Variants in RNF183 observed in about 807,000 individuals in gnomAD.
The protein encoded by RNF183 is E3 ubiquitin-protein ligase RNF183.
Under a neutral mutation model 9.0 loss-of-function variants are expected in RNF183, and 4 were observed. The observed-to-expected ratio is 0.44, with a 90% CI of 0.22 to 1.01. The LOEUF (loss-of-function observed/expected upper bound fraction) is 1.01. Ranked by LOEUF, RNF183 falls within the 50% of genes least tolerant of loss-of-function variation. RNF183 has a pLI of 0.25. For synonymous variants in RNF183, 102 were observed against 107.5 expected (o/e 0.95, Z 0.32); for missense variants, 227 against 253.6 (o/e 0.89, Z 0.71).
Position 113,298,209 on chromosome 9 carries a change from C to T in RNF183, c.-25G>A, listed in dbSNP as rs900114796. On this transcript the variant is annotated 5_prime_UTR_variant, in exon 5 of 5. Transcript: ENST00000489339. This position sits in a 1 kb window ranked among gnomAD's most constrained non-coding sequence, Gnocchi z 4.9. The stretch of plus-strand genomic sequence containing the variant: ...TCCTCAGCCACACACGGGGAGGCTT[C>T]GCGGGAGACGTCCTGGCAGAAGGGG... 18 of 1,570,332 alleles carry T rather than the reference C, an allele frequency of 1.1e-5. No individual in the cohort carries two copies. The South Asian group carries it at 1.4e-4, about 12-fold the overall frequency.
chr9:113,302,131 T>C (rs780908937), intron 2 of RNF183, 64 bp downstream of exon 2: 3 of 61,556 alleles, frequency 4.9e-5, no homozygotes, highest in Non-Finnish European at 1.0e-4. Flanking sequence ...CTAACTTTAC[T>C]CCATCCAGTA....
rs1832751177 is a variant in RNF183, at chr9:113,297,386, C to T, written c.*220G>A. The T allele has an allele frequency of 2.8e-5, 11 of 390,502 alleles. No homozygotes were observed. In the South Asian group the frequency reaches 5.7e-4, roughly 20 times the overall value. 24.2% of individuals were successfully genotyped at this position (390,502 alleles called of 1,614,324 possible). ...GCTTCTCTGCCCTTCCATGACGCCA[C>T]ACTCACACCCGGAGGTCGCTCCACA... On this transcript the variant is annotated 3_prime_UTR_variant, in exon 5 of 5. Transcript: ENST00000489339.
In RNF183 at chr9:113,297,534, C is replaced by T; in HGVS notation, c.*72G>A. ...ACAACACTACAAAGGAAGACAATAC[C>T]AAATGAGGCTCCGTAGTCACCATAC... On this transcript the variant is annotated 3_prime_UTR_variant, in exon 5 of 5. Coordinates refer to ENST00000489339, the MANE Select transcript of RNF183 (RefSeq NM_001371237.1). 1 of 1,001,564 alleles carries T rather than the reference C, an allele frequency of 1.0e-6. No homozygotes were observed. Among genetic ancestry groups the T allele is most frequent in the Non-Finnish European group, 1.5e-6 (1 of 669,506 alleles). The allele number at this position is 1,001,564 out of a possible 1,614,324, so 62.0% of individuals were successfully genotyped here.
intron 3 of RNF183, among the ~76,000 whole-genome samples, chr9:113,300,476 G>A (rs978045266): frequency 1.7e-4 from 26 of 152,188 alleles, no homozygotes; most frequent in African/African-American, 6.3e-4. Context: ...TGTTAATAAA[G>A]GGCAAAAAGG....
intron 4 of RNF183, 181 bp downstream of exon 4, chr9:113,299,391 C>T (rs59841233): frequency 0.069 from 10,504 of 152,250 alleles, 686 homozygotes; most frequent in East Asian, 0.32. Flanking sequence ...TCTCTGGGGC[C>T]CTCATTTCTC....
Position 113,298,002 on chromosome 9 carries a change from C to T in RNF183, c.183G>A (p.Gln61=). Residue 61 remains glutamine, a synonymous_variant, in exon 5 of 5, where the codon CAG becomes CAA. Coordinates refer to ENST00000489339, the MANE Select transcript of RNF183 (RefSeq NM_001371237.1). This position sits in a 1 kb window ranked among gnomAD's most constrained non-coding sequence, Gnocchi z 4.9. ...GCTGCCCTGAGGCCAGCACTGTGGG[C>T]TGGCGACAGAGTGGGCACAGCAGGC... The part of the protein sequence containing the change: ...RRRLLCPLCR[Q]PTVLASGQPV... 1 of 1,613,946 alleles carries T rather than the reference C, an allele frequency of 6.2e-7. No individual in the cohort carries two copies. The highest frequency in any genetic ancestry group is 2.2e-5 in the East Asian group (1 of 44,856).
chr9:113,298,272 G>A lies in RNF183; in HGVS notation c.-37-51C>T. The A allele has an allele frequency of 1.7e-6, 2 of 1,172,276 alleles. No individual in the cohort carries two copies. The highest frequency in any genetic ancestry group is 2.5e-6 in the Non-Finnish European group (2 of 808,814). The allele number at this position is 1,172,276 out of a possible 1,614,324, so 72.6% of individuals were successfully genotyped here. ...GGAACAGCCATGAAGTCCCATCCTTGTGCTTGGCCTGGGGCAAAGTGTTCT... is the reference window on the plus strand; with the variant it reads ...GGAACAGCCATGAAGTCCCATCCTTATGCTTGGCCTGGGGCAAAGTGTTCT... On this transcript the variant is annotated intron_variant, in intron 4 of 4. Coordinates refer to ENST00000489339, the MANE Select transcript of RNF183 (RefSeq NM_001371237.1). The surrounding 1 kb of genome is among the most constrained non-coding windows in gnomAD (Gnocchi z 4.9).
chr9:113,297,528 C>G lies in RNF183; in HGVS notation c.*78G>C. 1.1e-6 allele frequency: 1 copy of G among 920,774 alleles called. No homozygotes were observed. Among genetic ancestry groups the G allele is most frequent in the South Asian group, 1.7e-5 (1 of 58,972 alleles). The allele number at this position is 920,774 out of a possible 1,614,324, so 57.0% of individuals were successfully genotyped here. A position where few individuals can be genotyped will look rare whatever the true frequency, so the allele number is the denominator to read the frequency against. On this transcript the variant is annotated 3_prime_UTR_variant, in exon 5 of 5. Coordinates refer to ENST00000489339, the MANE Select transcript of RNF183 (RefSeq NM_001371237.1). ...AAATAAACAACACTACAAAGGAAGA[C>G]AATACCAAATGAGGCTCCGTAGTCA...
chr9:113,301,883 T>G (rs1047962169), intron 2 of RNF183, 132 bp from the exon 3 acceptor site: 1 of 152,220 alleles, frequency 6.6e-6, no homozygotes, highest in Non-Finnish European at 1.5e-5. Context: ...AGAGATATTA[T>G]GCAGCCTTTA....
intron 1 of RNF183, 116 bp from the exon 2 acceptor site, chr9:113,302,429 CA>C (rs1832945056): frequency 6.6e-6 from 1 of 152,214 alleles, no homozygotes; most frequent in Non-Finnish European, 1.5e-5. Flanking sequence ...AAGTCATCGC[CA>C]AATATCAATT....
Position 113,298,345 on chromosome 9 carries a change from C to T in RNF183, c.-37-124G>A, listed in dbSNP as rs571503102. The stretch of plus-strand genomic sequence containing the variant: ...ACCACGTTTTACTTAGGTTCAAAAG[C>T]GTTTTGTTCTTGATCACCAGTTCCT... On this transcript the variant is annotated intron_variant, in intron 4 of 4. Coordinates refer to ENST00000489339, the MANE Select transcript of RNF183 (RefSeq NM_001371237.1). This position sits in a 1 kb window ranked among gnomAD's most constrained non-coding sequence, Gnocchi z 4.9. 1.3e-4 allele frequency: 84 copies of T among 633,698 alleles called. No individual in the cohort carries two copies. The East Asian group carries it at 2.2e-3, about 16-fold the overall frequency. The allele number at this position is 633,698 out of a possible 1,614,324, so 39.3% of individuals were successfully genotyped here.
chr9:113,299,450 A>C (rs925563521), intron 4 of RNF183, 122 bp downstream of exon 4: 1 of 152,230 alleles, frequency 6.6e-6, no homozygotes, highest in Non-Finnish European at 1.5e-5. Context: ...CTGCCTGCTC[A>C]GCACTTTGGT....
chr9:113,297,971 T>C lies in RNF183; in HGVS notation c.214A>G (p.Thr72Ala). Residue 72 changes from threonine (T) to alanine (A), a missense_variant, in exon 5 of 5, where the codon ACT becomes GCT. Thr to Ala is a moderately conservative substitution (Grantham distance 58). Transcript: ENST00000489339. ...ATGGCAGTGTCCGTGGGCAAGTCAG[T>C]GACAGGCTGCCCTGAGGCCAGCACT... is the stretch of plus-strand genomic sequence containing the variant. ...PTVLASGQPVTDLPTDTAMLA... is the reference protein window; with the variant it reads ...PTVLASGQPVADLPTDTAMLA... 1 of 1,613,738 alleles carries C rather than the reference T, an allele frequency of 6.2e-7. No homozygotes were observed.
intron 3 of RNF183, among the ~76,000 whole-genome samples, 164 bp downstream of exon 3, chr9:113,301,508 A>T (rs1388452401): frequency 6.6e-6 from 1 of 152,214 alleles, no homozygotes; most frequent in African/African-American, 2.4e-5. Flanking sequence ...GTTGATCAAA[A>T]CATTGTTATG....
rs758519782 is a variant in RNF183 at position 113,297,814 on chromosome 9, G to T, written c.371C>A (p.Pro124His). ...TGGGGGCGGCCCAGTCTGGCCCCCA[G>T]GCTGGGGGCCAAGGTCCAGCGTGTA... Reference protein sequence around the residue: ...QVYTLDLGPQPGGQTGPPPDT... With the variant: ...QVYTLDLGPQHGGQTGPPPDT... The change falls in exon 5 of 5, where the codon CCT becomes CAT. Residue 124 changes from proline (P) to histidine (H), a missense_variant. Transcript: ENST00000489339. 2 of 1,610,646 alleles carry T rather than the reference G, an allele frequency of 1.2e-6. No homozygotes were observed. The highest frequency in any genetic ancestry group is 2.2e-5 in the South Asian group (2 of 90,792).
rs544180889 is a variant in RNF183 at position 113,298,157 on chromosome 9, C to T, written c.28G>A (p.Glu10Lys). Residue 10 changes from glutamate to lysine, a missense_variant, in exon 5 of 5, where the codon GAG becomes AAG. Coordinates refer to ENST00000489339, the MANE Select transcript of RNF183 (RefSeq NM_001371237.1). This position sits in a 1 kb window ranked among gnomAD's most constrained non-coding sequence, Gnocchi z 4.9. ...TTCCAGCAGACGGGGCACTCAGCCT[C>T]AAGCTCCCGGCCCTGCTGCTCAGCC... MAEQQGREL[E>K]AECPVCWNPF... is the part of the protein sequence containing the mutation. The T allele has an allele frequency of 4.7e-5, 76 of 1,613,266 alleles. No homozygotes were observed. The highest frequency in any genetic ancestry group is 1.3e-4 in the Admixed American group (8 of 59,980).
intron 3 of RNF183, 111 bp downstream of exon 3, chr9:113,301,561 G>A (rs1832920172): frequency 6.6e-6 from 1 of 152,222 alleles, no homozygotes; most frequent in Admixed American, 6.5e-5. Flanking sequence ...ATGGATTTGA[G>A]AGAAAGGAAG....
chr9:113,299,270 T>G (rs1832842351), intron 4 of RNF183: 1 of 152,188 alleles, frequency 6.6e-6, no homozygotes, highest in Admixed American at 6.5e-5. Context: ...CAAGCACCTG[T>G]GAGATTGTGG....
chr9:113,299,683 C>T lies in RNF183; in HGVS notation c.-149G>A, dbSNP rs1832855201. On this transcript the variant is annotated 5_prime_UTR_variant, in exon 4 of 5. Transcript: ENST00000489339. ...TAAAGCGGGGAGTTGGAGGGAGGCG[C>T]ACTCCAGCCCAGCTTCTCCGTTTCA... The T allele has an allele frequency of 6.6e-6, 1 of 152,202 alleles. No individual in the cohort carries two copies. Among genetic ancestry groups the T allele is most frequent in the African/African-American group, 2.4e-5 (1 of 41,438 alleles). 9.4% of individuals were successfully genotyped at this position (152,202 alleles called of 1,614,324 possible). A position where few individuals can be genotyped will look rare whatever the true frequency, so the allele number is the denominator to read the frequency against.
Sources: allele counts gnomAD v4.1 joint callset (sites outside exome capture counted in the v4.1 genomes callset), GRCh38; gene constraint gnomAD v4.1.1; non-coding constraint Gnocchi (gnomAD v3.1); transcripts MANE v1.5; gene names NCBI Gene and HGNC (gene_info 2026-07-23, HGNC 2026-07-21).